NAALADL2: variants seen among roughly 807,000 people sequenced by gnomAD.
The protein encoded by NAALADL2 is inactive N-acetylated-alpha-linked acidic dipeptidase-like protein 2.
In NAALADL2, 76 loss-of-function variants were observed where a neutral mutation model predicts 87.2. The ratio of observed to expected loss-of-function variants is 0.87; its 90% CI spans 0.72 to 1.05. NAALADL2 has a LOEUF of 1.05. NAALADL2 is among the 50% of genes least tolerant of loss of function. NAALADL2 has a pLI of 0.00. For missense variants in NAALADL2, 1,089 were observed against 945.8 expected (o/e 1.15, Z -1.99); for synonymous variants, 354 against 331.0 (o/e 1.07, Z -0.75).
intron 2 of NAALADL2, among the ~76,000 whole-genome samples, chr3:175,120,309 GTT>G: frequency 6.6e-6 from 1 of 151,714 alleles, no homozygotes; most frequent in Admixed American, 6.6e-5. Flanking sequence ...AATGTGCTAT[GTT>G]TTTCTGGCAT....
Position 175,269,069 on chromosome 3 carries a change from G to A in NAALADL2, c.939+12539G>A, listed in dbSNP as rs1052717417. 2.6e-5 allele frequency among the ~76,000 whole-genome samples: 4 copies of A among 151,756 alleles called. No individual in the cohort carries two copies. In the South Asian group the frequency reaches 8.3e-4, roughly 31 times the overall value. ...TCCTCTTGCCTCAGCCTCCCAAGTA[G>A]CTAGGATTACAGATGTGTGCCACCA... On this transcript the variant is annotated intron_variant, in intron 4 of 13. Coordinates refer to ENST00000454872, the MANE Select transcript of NAALADL2 (RefSeq NM_207015.3).
At chr3:175,387,597 C>A (rs919633532) in intron 5 of NAALADL2, among the ~76,000 whole-genome samples, 5 of 151,698 alleles carry the variant, frequency 3.3e-5, no homozygotes, top group Non-Finnish European at 5.9e-5. Context: ...AATGTTAAAC[C>A]AAAACCATGT....
chr3:174,930,070 G>T (rs1693595290), intron 1 of NAALADL2, among the ~76,000 whole-genome samples: 1 of 152,094 alleles, frequency 6.6e-6, no homozygotes, highest in African/African-American at 2.4e-5. Context: ...ATAGACTTAT[G>T]AGAAAAGTAT....
chr3:174,838,965 C>G (rs976712730), intron 3 of NAALADL2, among the ~76,000 whole-genome samples: 4 of 152,030 alleles, frequency 2.6e-5, no homozygotes, highest in Non-Finnish European at 2.9e-5. Flanking sequence ...TCAACACCCC[C>G]ACCATTCTTC....
At chr3:175,112,539 C>G (rs1192158821) in intron 2 of NAALADL2, 1 of 151,602 alleles carries the variant, frequency 6.6e-6, no homozygotes, top group African/African-American at 2.4e-5. Context: ...CTAGATAGTT[C>G]CTACCTGGCA....
At chr3:174,987,629 T>C (rs1746110462) in intron 1 of NAALADL2, among the ~76,000 whole-genome samples, 2 of 144,620 alleles carry the variant, frequency 1.4e-5, no homozygotes, top group Non-Finnish European at 3.0e-5. Flanking sequence ...TATTAGAATT[T>C]ATTTTTTTTG....
At chr3:174,559,073 G>A (rs950435805) in intron 2 of NAALADL2, among the ~76,000 whole-genome samples, 11 of 152,152 alleles carry the variant, frequency 7.2e-5, no homozygotes, top group Non-Finnish European at 1.6e-4. Flanking sequence ...GGATTTGAAA[G>A]TGGCTATGAC....
At chr3:174,566,555 T>C (rs1051969257) in intron 2 of NAALADL2, among the ~76,000 whole-genome samples, 3 of 151,688 alleles carry the variant, frequency 2.0e-5, no homozygotes. Context: ...ATATAGACTG[T>C]TTTTCCTTTT....
chr3:174,612,802 T>C (rs1247216044), intron 2 of NAALADL2, among the ~76,000 whole-genome samples: 1 of 152,156 alleles, frequency 6.6e-6, no homozygotes, highest in African/African-American at 2.4e-5. Flanking sequence ...TGGTACCTTA[T>C]GTAGTTTATT....
intron 11 of NAALADL2, among the ~76,000 whole-genome samples, chr3:175,657,388 T>A (rs1485621434): frequency 6.6e-6 from 1 of 152,130 alleles, no homozygotes; most frequent in Admixed American, 6.6e-5. Flanking sequence ...TAAAACAACT[T>A]TTTATTTTCG....
At chr3:175,445,293 TA>T (rs1720513614) in intron 5 of NAALADL2, among the ~76,000 whole-genome samples, 3 of 152,346 alleles carry the variant, frequency 2.0e-5, no homozygotes, top group Admixed American at 2.0e-4. Flanking sequence ...ATCTTATTTT[TA>T]TTTTTTATTT....
chr3:175,371,328 C>A (rs960644742), intron 5 of NAALADL2, among the ~76,000 whole-genome samples: 1 of 151,908 alleles, frequency 6.6e-6, no homozygotes, highest in South Asian at 2.1e-4. Flanking sequence ...ACTGCAGTGG[C>A]GCTATCTCGG....
chr3:175,618,181 C>G (rs2149690730), intron 10 of NAALADL2, among the ~76,000 whole-genome samples: 1 of 152,316 alleles, frequency 6.6e-6, no homozygotes, highest in Middle Eastern at 3.4e-3. Flanking sequence ...ATATACCTGT[C>G]ACGGTTGTCT....
chr3:174,488,833 C>G (rs1718016060), intron 1 of NAALADL2, among the ~76,000 whole-genome samples: 1 of 152,002 alleles, frequency 6.6e-6, no homozygotes, highest in South Asian at 2.1e-4. Context: ...GACACCCCCC[C>G]TAACCTTTGG....
At chr3:175,750,419 C>A (rs1223547219) in intron 12 of NAALADL2, among the ~76,000 whole-genome samples, 2 of 152,036 alleles carry the variant, frequency 1.3e-5, no homozygotes, top group Non-Finnish European at 2.9e-5. Flanking sequence ...TGCCTCCACC[C>A]CTCCCTCCTT....
Position 174,862,783 on chromosome 3 carries a change from A to G in NAALADL2, c.43+3333A>G, listed in dbSNP as rs149406174. Among the ~76,000 whole-genome samples the G allele has an allele frequency of 3.5e-3, 540 of 152,254 alleles. 3 individuals are homozygous for G. Among genetic ancestry groups the G allele is most frequent in the Middle Eastern group, 0.02 (6 of 294 alleles). The stretch of plus-strand genomic sequence containing the variant: ...AAGTTACGCCTCCCTGGGCTGTTTA[A>G]TACACTTGGCACTCGTGCTGCCTAC... On this transcript the variant is annotated intron_variant, in intron 1 of 13. Coordinates refer to ENST00000454872, the MANE Select transcript of NAALADL2 (RefSeq NM_207015.3).
intron 3 of NAALADL2, among the ~76,000 whole-genome samples, chr3:174,829,325 C>T (rs1056280849): frequency 6.7e-6 from 1 of 149,338 alleles, no homozygotes; most frequent in Non-Finnish European, 1.5e-5. Flanking sequence ...TCCATCTGAT[C>T]TCATTGTTCA....
intron 1 of NAALADL2, among the ~76,000 whole-genome samples, chr3:175,092,797 G>A (rs1414535657): frequency 6.6e-6 from 1 of 151,792 alleles, no homozygotes; most frequent in Non-Finnish European, 1.5e-5. Flanking sequence ...TTAGTATGTT[G>A]AATTTTAAAA....
At chr3:174,632,933 C>CA (rs56809226) in intron 2 of NAALADL2, among the ~76,000 whole-genome samples, 3,525 of 60,422 alleles carry the variant, frequency 0.058, 11 homozygotes, top group Non-Finnish European at 0.077. Context: ...GACTCTGTCT[C>CA]AAAAAAAAAA....
Sources: allele counts gnomAD v4.1 joint callset (sites outside exome capture counted in the v4.1 genomes callset), GRCh38; gene constraint gnomAD v4.1.1; transcripts MANE v1.5; gene names NCBI Gene and HGNC (gene_info 2026-07-23, HGNC 2026-07-21).